The following CCAR1 variants were observed in gnomAD, a reference collection of about 807,000 sequenced individuals.
CCAR1 encodes the protein cell division cycle and apoptosis regulator 1, also known as cell division cycle and apoptosis regulator protein 1.
A neutral mutation model predicts 163.8 loss-of-function variants in CCAR1; 78 were observed. The observed-to-expected ratio is 0.48, with a 90% CI of 0.40 to 0.57. The LOEUF (loss-of-function observed/expected upper bound fraction) is 0.57. CCAR1 is among the 20% of genes least tolerant of loss of function. The pLI, the probability that CCAR1 is intolerant of heterozygous loss-of-function variation, is 0.00. For synonymous variants in CCAR1, 443 were observed against 460.7 expected, an observed-to-expected ratio of 0.96 and a Z score of 0.49; for missense variants, 1,019 against 1,365.2, an observed-to-expected ratio of 0.75 and a Z score of 4.00.
At chr10:68,773,317 C>T (rs1311352730) in intron 19 of CCAR1, among the ~76,000 whole-genome samples, 2 of 151,952 alleles carry the variant, frequency 1.3e-5, no homozygotes, top group Non-Finnish European at 2.9e-5. Context: ...ATAATTAATA[C>T]TCAATTTGGC....
intron 2 of CCAR1, among the ~76,000 whole-genome samples, chr10:68,733,908 C>T (rs2056074184): frequency 6.6e-6 from 1 of 152,150 alleles, no homozygotes; most frequent in African/African-American, 2.4e-5. Flanking sequence ...AGGTGATCTA[C>T]CCTGCTCAGC....
intron 2 of CCAR1, among the ~76,000 whole-genome samples, chr10:68,727,756 G>GACTCACC (rs1483013731): frequency 6.6e-6 from 1 of 152,132 alleles, no homozygotes; most frequent in African/African-American, 2.4e-5. Flanking sequence ...AATGGCCAAT[G>GACTCACC]ACTCACCAGT....
intron 15 of CCAR1, 132 bp downstream of exon 15, chr10:68,757,509 G>A: frequency 4.1e-6 from 2 of 491,932 alleles, no homozygotes; most frequent in African/African-American, 2.0e-5. Flanking sequence ...CTGCCTCCTG[G>A]GTTCAGTAGA....
At chr10:68,783,808 A>T (rs2056764569) in intron 19 of CCAR1, among the ~76,000 whole-genome samples, 1 of 151,828 alleles carries the variant, frequency 6.6e-6, no homozygotes, top group Non-Finnish European at 1.5e-5. Context: ...CCCAGGCTAG[A>T]GTGCAGTGGC....
intron 10 of CCAR1, among the ~76,000 whole-genome samples, chr10:68,752,597 A>T (rs1296781994): frequency 2.6e-5 from 4 of 152,146 alleles, no homozygotes; most frequent in African/African-American, 9.7e-5. Context: ...TAGGCCTGGC[A>T]CTGGTGGCTC....
intron 19 of CCAR1, 123 bp downstream of exon 19, chr10:68,773,222 C>CCTG: frequency 1.9e-6 from 1 of 524,356 alleles, no homozygotes; most frequent in Non-Finnish European, 3.4e-6. Context: ...GAGTAATATA[C>CCTG]TCTTCAGTGA....
chr10:68,785,108 G>T (rs1028196719), intron 19 of CCAR1, among the ~76,000 whole-genome samples: 12 of 151,758 alleles, frequency 7.9e-5, no homozygotes, highest in African/African-American at 2.9e-4. Context: ...TAGTAGAGAC[G>T]GGATTTCACC....
At chr10:68,769,822 G>C (rs915284329) in intron 17 of CCAR1, among the ~76,000 whole-genome samples, 1 of 144,612 alleles carries the variant, frequency 6.9e-6, no homozygotes. Context: ...GCGCTTGTAG[G>C]CCCAGCTACT....
chr10:68,768,521 G>A (rs551438466), intron 17 of CCAR1, among the ~76,000 whole-genome samples: 8 of 152,284 alleles, frequency 5.3e-5, no homozygotes, highest in African/African-American at 1.9e-4. Flanking sequence ...TGAGGCAGGA[G>A]GATCTCTTGA....
chr10:68,744,392 A>G (rs1589162192), intron 6 of CCAR1, among the ~76,000 whole-genome samples: 2 of 152,144 alleles, frequency 1.3e-5, no homozygotes, highest in Non-Finnish European at 2.9e-5. Flanking sequence ...TGGGAGTCCA[A>G]AGTAGGTGGA....
intron 10 of CCAR1, among the ~76,000 whole-genome samples, chr10:68,750,928 G>A (rs2056322414): frequency 6.6e-6 from 1 of 152,056 alleles, no homozygotes; most frequent in Non-Finnish European, 1.5e-5. Context: ...GCTACTTAAT[G>A]CCAAGAAAAT....
In CCAR1 at chr10:68,756,941, A is replaced by G. The variant is rs1436255653; in HGVS notation, c.1837-353A>G. ...GGCTATGTGGCAACGTCTTTGGTAC[A>G]TTTCAAAGGTCTGACTAAATCAGTC... On this transcript the variant is annotated intron_variant, in intron 14 of 24. Transcript: ENST00000265872. This position sits in a 1 kb window ranked among gnomAD's most constrained non-coding sequence, Gnocchi z 5.1. 6.6e-6 allele frequency among the ~76,000 whole-genome samples: 1 copy of G among 152,244 alleles called. No individual in the cohort carries two copies. Among genetic ancestry groups the G allele is most frequent in the Admixed American group, 6.5e-5 (1 of 15,282 alleles).
Position 68,777,070 on chromosome 10 carries a change from G to A in CCAR1, c.2650+3971G>A, listed in dbSNP as rs78147136. ...TTCCAGTTGTTGAGACTAAAACCCA[G>A]GAGTCATCCTTGATTCCTTTCTTTC... On this transcript the variant is annotated intron_variant, in intron 19 of 24. Transcript: ENST00000265872. Among the ~76,000 whole-genome samples, 458 of 152,176 alleles carry A rather than the reference G, an allele frequency of 3.0e-3. 2 individuals are homozygous for A. The highest frequency in any genetic ancestry group is 0.011 in the African/African-American group (437 of 41,518).
chr10:68,744,369 A>C (rs765265691), intron 6 of CCAR1, among the ~76,000 whole-genome samples: 1 of 152,118 alleles, frequency 6.6e-6, no homozygotes, highest in Non-Finnish European at 1.5e-5. Context: ...TTGTCCTTGT[A>C]ATCTCAGTTT....
At position 68,789,837 on chromosome 10, in the gene CCAR1, A is replaced by G. The variant is rs140125584; in HGVS notation, c.3315A>G (p.Leu1105=). The part of the protein sequence containing the change: ...ENLKISENMN[L]QFENQMNKTI... ...TAAAGATTTCGGAAAACATGAATTT[A>G]CAATTTGAAAACCAAATGAATAAGA... The change falls in exon 24 of 25, where the codon TTA becomes TTG. Residue 1105 remains leucine, a synonymous_variant. Transcript: ENST00000265872. 1.1e-5 allele frequency: 17 copies of G among 1,608,114 alleles called. No individual in the cohort carries two copies. In the African/African-American group the frequency reaches 2.3e-4, roughly 22 times the overall value.
intron 16 of CCAR1, 46 bp downstream of exon 16, chr10:68,761,238 G>T: frequency 3.7e-6 from 4 of 1,077,494 alleles, no homozygotes; most frequent in Non-Finnish European, 5.1e-6. Context: ...TAATATTCAT[G>T]TATAGGGTGT....
At chr10:68,741,633 C>CT (rs1310535522) in intron 5 of CCAR1, among the ~76,000 whole-genome samples, 1 of 152,158 alleles carries the variant, frequency 6.6e-6, no homozygotes, top group African/African-American at 2.4e-5. Flanking sequence ...TCCAGATAAT[C>CT]TGAGGTAGAA....
In CCAR1 at chr10:68,737,000, T is replaced by C; in HGVS notation, c.198T>C (p.Thr66=). The part of the protein sequence containing the change: ...QTPANYQLTQ[T]AALQQQAAAA... ...CAGCAAACTATCAGTTAACACAAAC[T>C]GCTGCATTGCAGCAACAAGCCGCAG... The change falls in exon 3 of 25, where the codon ACT becomes ACC. Residue 66 remains threonine, a synonymous_variant. Transcript: ENST00000265872. The C allele has an allele frequency of 1.2e-6, 2 of 1,613,894 alleles. No individual in the cohort carries two copies. Among genetic ancestry groups the C allele is most frequent in the Non-Finnish European group, 1.7e-6 (2 of 1,179,862 alleles).
At chr10:68,786,340 G>C in intron 20 of CCAR1, 122 bp downstream of exon 20, 1 of 822,856 alleles carries the variant, frequency 1.2e-6, no homozygotes, top group South Asian at 1.9e-5. Context: ...AATTCTGTCA[G>C]TTGTTTTTTT....
Sources: gnomAD v4.1 joint callset for allele counts (sites outside exome capture counted in the v4.1 genomes callset) on GRCh38, gnomAD v4.1.1 for gene constraint, Gnocchi (gnomAD v3.1) non-coding constraint, MANE v1.5 for transcripts, NCBI Gene and HGNC (gene_info 2026-07-23, HGNC 2026-07-21) for gene names.